Variants in RNF24 observed in about 807,000 individuals in gnomAD.
RNF24 encodes ring finger protein 24.
Under a neutral mutation model 20.0 loss-of-function variants are expected in RNF24, and 14 were observed. The ratio of observed to expected loss-of-function variants is 0.70; its 90% confidence interval spans 0.46 to 1.10. The LOEUF is 1.10. Ranked by LOEUF, RNF24 falls within the 50% of genes least tolerant of loss-of-function variation. The probability of loss-of-function intolerance (pLI) is 0.00; values close to 1 mark genes in which losing one functional copy is unlikely to be tolerated. For synonymous variants in RNF24, 45 were observed against 61.1 expected (o/e 0.74, Z 1.23); for missense variants, 124 against 177.6 (o/e 0.70, Z 1.71).
intron 1 of RNF24, chr20:3,974,342 C>G: frequency 6.4e-7 from 1 of 1,550,730 alleles, no homozygotes; most frequent in Non-Finnish European, 8.7e-7. Context: ...CCCCCTAAGA[C>G]CGGGAACAAG....
intron 2 of RNF24, among the ~76,000 whole-genome samples, chr20:3,957,892 T>C (rs1416549783): frequency 6.6e-6 from 1 of 152,212 alleles, no homozygotes; most frequent in African/African-American, 2.4e-5. Context: ...CACTGCAAAT[T>C]TGTGGTCTCC....
chr20:3,974,689 T>C (rs1041518905), intron 1 of RNF24, among the ~76,000 whole-genome samples: 2 of 152,088 alleles, frequency 1.3e-5, no homozygotes, highest in African/African-American at 4.8e-5. Context: ...AGAATTAAAT[T>C]TAATAAGACA....
chr20:3,971,864 C>A (rs2147004516), intron 1 of RNF24, among the ~76,000 whole-genome samples: 1 of 152,180 alleles, frequency 6.6e-6, no homozygotes, highest in Admixed American at 6.5e-5. Flanking sequence ...CAGAGACTGG[C>A]AGAATGAATT....
At chr20:4,009,925 C>T (rs1486744147) in intron 1 of RNF24, among the ~76,000 whole-genome samples, 1 of 152,072 alleles carries the variant, frequency 6.6e-6, no homozygotes, top group Non-Finnish European at 1.5e-5. Flanking sequence ...GTGGCGGGCA[C>T]CTGTAATCCC....
chr20:3,938,584 T>A, intron 4 of RNF24, among the ~76,000 whole-genome samples: 1 of 152,220 alleles, frequency 6.6e-6, no homozygotes, highest in East Asian at 1.9e-4. Context: ...GGAGAAAATA[T>A]TTGCAGACCT....
intron 1 of RNF24, among the ~76,000 whole-genome samples, chr20:3,991,541 T>C (rs1386794744): frequency 3.3e-5 from 5 of 152,168 alleles, no homozygotes; most frequent in Non-Finnish European, 7.4e-5. Context: ...CGTGAGCCAC[T>C]GCTCCATGCC....
rs2091229833 is a variant in RNF24 at position 3,963,910 on chromosome 20, G to T, written c.108C>A (p.Phe36Leu). ...AGCAACAGAAGAGTAAACTAAGGAT[G>T]AAGACAAATATAGCAGTACCAAAAA... ...IVVFGTAIFV[F>L]ILSLLFCCYL... The change falls in exon 2 of 6, where the codon TTC becomes TTA. Residue 36 changes from phenylalanine (F) to leucine (L), a missense_variant. Coordinates refer to ENST00000358395, the MANE Select transcript of RNF24 (RefSeq NM_001134337.3). 1 of 1,602,102 alleles carries T rather than the reference G, an allele frequency of 6.2e-7. No individual in the cohort carries two copies. Among genetic ancestry groups the T allele is most frequent in the Non-Finnish European group, 8.5e-7 (1 of 1,174,038 alleles).
At chr20:4,014,739 GCACACACACA>G (rs146278311) in intron 1 of RNF24, among the ~76,000 whole-genome samples, 44 of 143,774 alleles carry the variant, frequency 3.1e-4, no homozygotes, top group East Asian at 1.5e-3. Flanking sequence ...ACTTGAATGC[GCACACACACA>G]CACACACACA....
In RNF24 at chr20:3,950,899, A is replaced by G. The variant is rs193267621; in HGVS notation, c.144-2620T>C. 1.7e-4 allele frequency among the ~76,000 whole-genome samples: 26 copies of G among 152,236 alleles called. No homozygotes were observed. In the East Asian group the frequency reaches 2.1e-3, roughly 12 times the overall value. On this transcript the variant is annotated intron_variant, in intron 2 of 5. Coordinates refer to ENST00000358395, the MANE Select transcript of RNF24 (RefSeq NM_001134337.3). ...TTCTCTCATGTCCTTTTCCTGTTCTATTATCCAATCCAGGATCCCATCTTG... is the reference window on the plus strand; with the variant it reads ...TTCTCTCATGTCCTTTTCCTGTTCTGTTATCCAATCCAGGATCCCATCTTG...
chr20:4,005,603 T>C (rs1981799029), intron 1 of RNF24, among the ~76,000 whole-genome samples: 1 of 152,242 alleles, frequency 6.6e-6, no homozygotes, highest in Non-Finnish European at 1.5e-5. Context: ...CTTTTTTCAT[T>C]CAGTCCAAGA....
At chr20:3,952,332 A>C (rs1342818617) in intron 2 of RNF24, among the ~76,000 whole-genome samples, 1 of 152,088 alleles carries the variant, frequency 6.6e-6, no homozygotes, top group Non-Finnish European at 1.5e-5. Flanking sequence ...TTTTGATGCT[A>C]CTGTAAATAG....
chr20:3,948,041 C>T (rs6116115), intron 3 of RNF24, among the ~76,000 whole-genome samples, 196 bp downstream of exon 3: 1,742 of 148,710 alleles, frequency 0.012, 21 homozygotes, highest in African/African-American at 0.041. Context: ...AGCGAAACTC[C>T]GTCTCAAAAA....
intron 1 of RNF24, among the ~76,000 whole-genome samples, chr20:4,008,448 A>AT (rs1982124742): frequency 6.4e-5 from 1 of 15,730 alleles, no homozygotes; most frequent in Non-Finnish European, 1.9e-4. Context: ...TGTATAATAT[A>AT]TATAATATAT....
intron 3 of RNF24, among the ~76,000 whole-genome samples, chr20:3,947,559 C>T (rs554524247): frequency 1.3e-5 from 2 of 152,236 alleles, no homozygotes; most frequent in South Asian, 4.1e-4. Context: ...TGGTCGCTCA[C>T]CTCCGAGGAA....
intron 2 of RNF24, among the ~76,000 whole-genome samples, chr20:3,953,949 G>A (rs1158853203): frequency 6.6e-6 from 1 of 151,778 alleles, no homozygotes; most frequent in East Asian, 1.9e-4. Context: ...TAGAGATGGG[G>A]TTTCACCATG....
Position 3,934,994 on chromosome 20 carries a change from T to A in RNF24, c.308A>T (p.Lys103Met), listed in dbSNP as rs370577099. ...TAAGTAATTCCATACCAATACTTAC[T>A]TTCTGTGGAAGGCGTGCTTACATGG... The part of the protein sequence containing the change: ...ICPCKHAFHR[K>M]CLIKWLEVRK... The change falls in exon 5 of 6, where the codon AAG becomes ATG. Residue 103 changes from lysine to methionine, a missense_variant and splice_region_variant. Coordinates refer to ENST00000358395, the MANE Select transcript of RNF24 (RefSeq NM_001134337.3). The surrounding 1 kb of genome is among the most constrained non-coding windows in gnomAD (Gnocchi z 4.0). 1.2e-6 allele frequency: 2 copies of A among 1,613,556 alleles called. No individual in the cohort carries two copies. Among genetic ancestry groups the A allele is most frequent in the Admixed American group, 3.3e-5 (2 of 59,994 alleles).
rs564954547 is a variant in RNF24 at position 3,958,606 on chromosome 20, C to T, written c.143+5269G>A. 2.0e-5 allele frequency among the ~76,000 whole-genome samples: 3 copies of T among 152,302 alleles called. No homozygotes were observed. The South Asian group carries it at 6.2e-4, about 32-fold the overall frequency. On this transcript the variant is annotated intron_variant, in intron 2 of 5. Coordinates refer to ENST00000358395, the MANE Select transcript of RNF24 (RefSeq NM_001134337.3). The stretch of plus-strand genomic sequence containing the variant: ...ATAATTGACTCAATCCATTGAAACA[C>T]TACTTGTAGGGCATCTTTCTCACAA...
intron 3 of RNF24, among the ~76,000 whole-genome samples, chr20:3,947,401 G>C (rs2091031846): frequency 6.6e-6 from 1 of 152,194 alleles, no homozygotes; most frequent in Admixed American, 6.5e-5. Context: ...CTTGGCCTTT[G>C]AGAAAAGATA....
At chr20:4,012,894 C>T (rs983207537) in intron 1 of RNF24, among the ~76,000 whole-genome samples, 1 of 152,092 alleles carries the variant, frequency 6.6e-6, no homozygotes, top group African/African-American at 2.4e-5. Flanking sequence ...TAAGACTTCC[C>T]CTTACGGTTT....
Sources: gnomAD v4.1 joint callset for allele counts (sites outside exome capture counted in the v4.1 genomes callset) on GRCh38, gnomAD v4.1.1 for gene constraint, Gnocchi (gnomAD v3.1) non-coding constraint, MANE v1.5 for transcripts, NCBI Gene and HGNC (gene_info 2026-07-23, HGNC 2026-07-21) for gene names.